Variants in IRAK4 observed in about 807,000 individuals in gnomAD.
The protein encoded by IRAK4 is interleukin 1 receptor associated kinase 4.
A neutral mutation model predicts 51.8 loss-of-function variants in IRAK4; 44 were observed. The observed-to-expected ratio is 0.85, with a 90% CI of 0.67 to 1.09. The LOEUF is 1.09. Ranked by LOEUF, IRAK4 falls within the 50% of genes least tolerant of loss-of-function variation. The pLI, the probability that IRAK4 is intolerant of heterozygous loss-of-function variation, is 0.00. For missense variants in IRAK4, 487 were observed against 538.0 expected (o/e 0.91, Z 0.94); for synonymous variants, 149 against 174.1 (o/e 0.86, Z 1.13).
intron 10 of IRAK4, among the ~76,000 whole-genome samples, chr12:43,784,431 G>A (rs1316923230): frequency 6.6e-6 from 1 of 152,130 alleles, no homozygotes; most frequent in Non-Finnish European, 1.5e-5. Flanking sequence ...CCCCAAGACT[G>A]CCATCCCACC....
intron 10 of IRAK4, among the ~76,000 whole-genome samples, chr12:43,784,712 A>G (rs1373681673): frequency 1.3e-5 from 2 of 152,258 alleles, no homozygotes; most frequent in Non-Finnish European, 2.9e-5. Context: ...GCATTTCATC[A>G]TATAATAGTG....
intron 1 of IRAK4, among the ~76,000 whole-genome samples, chr12:43,767,411 C>G (rs1940268415): frequency 1.3e-5 from 2 of 152,158 alleles, no homozygotes; most frequent in African/African-American, 4.8e-5. Context: ...GGCTGCAGCT[C>G]TCCAGGATGG....
At chr12:43,775,153 A>G (rs1941150893) in intron 6 of IRAK4, among the ~76,000 whole-genome samples, 1 of 152,214 alleles carries the variant, frequency 6.6e-6, no homozygotes, top group African/African-American at 2.4e-5. Context: ...AGAAGAATAG[A>G]CTAGAATTGA....
chr12:43,762,241 G>A (rs943013462), intron 1 of IRAK4, among the ~76,000 whole-genome samples: 1 of 152,170 alleles, frequency 6.6e-6, no homozygotes, highest in Non-Finnish European at 1.5e-5. Flanking sequence ...CTGGGCACAT[G>A]TGTGGAGGAG....
Position 43,776,913 on chromosome 12 carries a change from A to G in IRAK4, c.717-717A>G, listed in dbSNP as rs563170939. 2.6e-5 allele frequency among the ~76,000 whole-genome samples: 4 copies of G among 152,362 alleles called. No individual in the cohort carries two copies. The South Asian group carries it at 8.3e-4, about 32-fold the overall frequency. On this transcript the variant is annotated intron_variant, in intron 6 of 11. Transcript: ENST00000613694. Reference sequence around the variant, plus strand: ...ATGTGATTCAAGATCATGTCTGTAAATCAGTGCTTTGAGTGTGTTAGAAAA... The same window carrying G: ...ATGTGATTCAAGATCATGTCTGTAAGTCAGTGCTTTGAGTGTGTTAGAAAA...
At chr12:43,774,165 A>G in intron 6 of IRAK4, 136 bp downstream of exon 6, 2 of 681,038 alleles carry the variant, frequency 2.9e-6, no homozygotes, top group Non-Finnish European at 5.2e-6. Context: ...TTTAGATTAG[A>G]GAAATTGAAA....
intron 9 of IRAK4, among the ~76,000 whole-genome samples, chr12:43,782,958 G>A (rs891900307): frequency 1.3e-5 from 2 of 152,132 alleles, no homozygotes; most frequent in African/African-American, 4.8e-5. Context: ...AAGGCATAGG[G>A]CTATAGAATA....
chr12:43,783,980 T>G (rs1272929804), intron 10 of IRAK4, among the ~76,000 whole-genome samples: 2 of 152,162 alleles, frequency 1.3e-5, no homozygotes, highest in Non-Finnish European at 2.9e-5. Flanking sequence ...TAGAACTAAA[T>G]GATTTCTGAG....
rs187839179 is a variant in IRAK4, at chr12:43,775,092, C to T, written c.716+1063C>T. 4.1e-3 allele frequency among the ~76,000 whole-genome samples: 628 copies of T among 152,284 alleles called. 7 individuals are homozygous for T. The highest frequency in any genetic ancestry group is 0.014 in the African/African-American group (595 of 41,536). On this transcript the variant is annotated intron_variant, in intron 6 of 11. Coordinates refer to ENST00000613694, the MANE Select transcript of IRAK4 (RefSeq NM_016123.4). ...GTAATGGGATTTACCAAATTATACC[C>T]ATTAAACCCACTGCTGTAAATCACC...
chr12:43,768,347 C>CACAT, intron 2 of IRAK4, 75 bp downstream of exon 2: 1 of 1,129,418 alleles, frequency 8.9e-7, no homozygotes, highest in South Asian at 1.4e-5. Flanking sequence ...TAAGTACTGT[C>CACAT]TAATGTGGCA....
intron 3 of IRAK4, 33 bp from the exon 4 acceptor site, chr12:43,772,147 G>C (rs769238141): frequency 1.3e-6 from 2 of 1,579,624 alleles, no homozygotes; most frequent in Non-Finnish European, 1.7e-6. Flanking sequence ...TTTTCTTACT[G>C]AAAAACCACT....
intron 1 of IRAK4, among the ~76,000 whole-genome samples, chr12:43,767,380 A>G (rs1301271812): frequency 6.6e-6 from 1 of 152,232 alleles, no homozygotes; most frequent in East Asian, 1.9e-4. Flanking sequence ...GTGTACAAGT[A>G]AAGTTGTTAG....
At chr12:43,774,057 A>G (rs371770692) in intron 6 of IRAK4, 28 bp downstream of exon 6, 19 of 1,553,020 alleles carry the variant, frequency 1.2e-5, no homozygotes, top group African/African-American at 2.7e-5. Flanking sequence ...AGTGCGGTGT[A>G]GTGGAAAGAA....
chr12:43,764,856 C>A (rs1443968178), intron 1 of IRAK4, among the ~76,000 whole-genome samples: 2 of 152,174 alleles, frequency 1.3e-5, no homozygotes, highest in African/African-American at 4.8e-5. Flanking sequence ...TTTCTCAAAA[C>A]CCTCTCTAAT....
At chr12:43,771,046 G>T (rs1045339714) in intron 2 of IRAK4, 174 bp from the exon 3 acceptor site, 4 of 702,550 alleles carry the variant, frequency 5.7e-6, no homozygotes, top group African/African-American at 5.3e-5. Context: ...AGATGATGTA[G>T]CAAGAAGGCC....
intron 8 of IRAK4, among the ~76,000 whole-genome samples, chr12:43,779,195 C>A (rs1941562661): frequency 2.0e-5 from 3 of 151,962 alleles, no homozygotes; most frequent in African/African-American, 4.8e-5. Context: ...CCCAGGAGTT[C>A]AAGGTTGAAG....
chr12:43,781,664 ATTAT>A (rs1276688726), intron 8 of IRAK4, among the ~76,000 whole-genome samples: 2 of 152,176 alleles, frequency 1.3e-5, no homozygotes, highest in African/African-American at 4.8e-5. Flanking sequence ...GTTTTAAAAA[ATTAT>A]TTATGCCTTT....
At chr12:43,783,799 C>T (rs1312752308) in intron 10 of IRAK4, 75 bp downstream of exon 10, 1 of 968,836 alleles carries the variant, frequency 1.0e-6, no homozygotes, top group East Asian at 2.5e-5. Flanking sequence ...ATAAATTTGA[C>T]ATCTAAAAAT....
intron 10 of IRAK4, among the ~76,000 whole-genome samples, chr12:43,785,114 C>G (rs1323650161): frequency 6.6e-6 from 1 of 152,082 alleles, no homozygotes; most frequent in African/African-American, 2.4e-5. Flanking sequence ...TCTTGCCTTG[C>G]TCATTGGATG....
Sources: allele counts gnomAD v4.1 joint callset (sites outside exome capture counted in the v4.1 genomes callset), GRCh38; gene constraint gnomAD v4.1.1; transcripts MANE v1.5; gene names NCBI Gene and HGNC (gene_info 2026-07-23, HGNC 2026-07-21).